ACKR3: variants seen among roughly 807,000 people sequenced by gnomAD.
ACKR3 encodes the protein C-X-C chemokine receptor type 7.
Under a neutral mutation model 22.4 loss-of-function variants are expected in ACKR3, and 6 were observed. The ratio of observed to expected loss-of-function variants is 0.27; its 90% confidence interval spans 0.15 to 0.53. The LOEUF (loss-of-function observed/expected upper bound fraction) is 0.53. Among genes scored for constraint, ACKR3 ranks in the 20% least tolerant of loss-of-function variants. ACKR3 has a pLI of 0.96. For missense variants in ACKR3, 396 were observed against 475.2 expected (o/e 0.83, Z 1.55); for synonymous variants, 209 against 205.2 (o/e 1.02, Z -0.16).
At chr2:236,550,556 G>GAGC in the ACKR3 span, among the ~76,000 whole-genome samples, 1 of 152,156 alleles carries the variant, frequency 6.6e-6, no homozygotes, top group African/African-American at 2.4e-5. This position sits in a 1 kb window ranked among gnomAD's most constrained non-coding sequence, Gnocchi z 4.6. Flanking sequence ...GGCTAGGGGT[G>GAGC]AGCAGGCCTG....
intron 1 of ACKR3, among the ~76,000 whole-genome samples, chr2:236,579,217 T>G (rs1691472531): frequency 6.6e-6 from 1 of 152,180 alleles, no homozygotes. Flanking sequence ...CTCCAGGAAA[T>G]TCTCATATGT....
chr2:236,573,016 T>C (rs996627165), intron 1 of ACKR3, among the ~76,000 whole-genome samples: 2 of 152,226 alleles, frequency 1.3e-5, no homozygotes, highest in Non-Finnish European at 2.9e-5. Context: ...CAAGACTGTT[T>C]TCCATTTGCT....
At chr2:236,549,654 A>T in the ACKR3 span, among the ~76,000 whole-genome samples, 2 of 152,322 alleles carry the variant, frequency 1.3e-5, 1 homozygote, top group African/African-American at 4.8e-5. This position sits in a 1 kb window ranked among gnomAD's most constrained non-coding sequence, Gnocchi z 5.3. Context: ...TGAGAACAGT[A>T]GTAGGATCAT....
chr2:236,563,399 T>C (rs1009168856), upstream of ACKR3, among the ~76,000 whole-genome samples: 2 of 152,144 alleles, frequency 1.3e-5, no homozygotes, highest in African/African-American at 2.4e-5. Flanking sequence ...GGGGAGAAGA[T>C]AGATAGTGCA....
upstream of ACKR3, among the ~76,000 whole-genome samples, chr2:236,566,985 ACCTT>A (rs879930974): frequency 8.0e-5 from 9 of 112,534 alleles, no homozygotes; most frequent in Non-Finnish European, 1.1e-4. Flanking sequence ...CTTCCTTCCT[ACCTT>A]CCTTCCTTCC....
chr2:236,551,080 C>A, the ACKR3 span, among the ~76,000 whole-genome samples: 4 of 152,200 alleles, frequency 2.6e-5, no homozygotes, highest in Non-Finnish European at 4.4e-5. Flanking sequence ...GCACACCTAC[C>A]CTGCTGGGCT....
At chr2:236,560,159 T>C in the ACKR3 span, among the ~76,000 whole-genome samples, 2 of 152,212 alleles carry the variant, frequency 1.3e-5, no homozygotes, top group Non-Finnish European at 2.9e-5. Flanking sequence ...TTTGAATACA[T>C]ATCCAGAAGT....
the ACKR3 span, among the ~76,000 whole-genome samples, chr2:236,549,421 C>T: frequency 6.6e-6 from 1 of 152,202 alleles, no homozygotes; most frequent in South Asian, 2.1e-4. This position sits in a 1 kb window ranked among gnomAD's most constrained non-coding sequence, Gnocchi z 5.3. Flanking sequence ...TCCTTAATGA[C>T]CTGAAGGCTC....
chr2:236,538,372 C>T, the ACKR3 span, among the ~76,000 whole-genome samples: 6 of 152,200 alleles, frequency 3.9e-5, no homozygotes, highest in Non-Finnish European at 5.9e-5. Flanking sequence ...ATACTAAAAA[C>T]GTGGTCAAAA....
At chr2:236,560,181 A>G in the ACKR3 span, among the ~76,000 whole-genome samples, 1 of 152,146 alleles carries the variant, frequency 6.6e-6, no homozygotes, top group Non-Finnish European at 1.5e-5. Flanking sequence ...GGATTGCTGG[A>G]TTATATGGTA....
the ACKR3 span, among the ~76,000 whole-genome samples, chr2:236,538,399 G>A: frequency 1.3e-5 from 2 of 152,228 alleles, no homozygotes; most frequent in Admixed American, 1.3e-4. Context: ...ATCCGAGTCA[G>A]AGATTGGGCT....
rs758812703 is a variant in ACKR3, at chr2:236,580,846, C to T, written c.381C>T (p.Asn127=). The change falls in exon 2 of 2, where the codon AAC becomes AAT. Residue 127 remains asparagine, a synonymous_variant. Coordinates refer to ENST00000272928, the MANE Select transcript of ACKR3 (RefSeq NM_020311.3). ...CKVTHLIFSI[N]LFGSIFFLTC... ...TCACACACCTCATCTTCTCCATCAA[C>T]CTCTTCGGCAGCATTTTCTTCCTCA... 1.2e-6 allele frequency: 2 copies of T among 1,614,248 alleles called. No individual in the cohort carries two copies. The highest frequency in any genetic ancestry group is 1.7e-6 in the Non-Finnish European group (2 of 1,180,056).
the ACKR3 span, among the ~76,000 whole-genome samples, chr2:236,549,346 C>G: frequency 1.3e-5 from 2 of 152,180 alleles, no homozygotes; most frequent in Admixed American, 6.5e-5. This position sits in a 1 kb window ranked among gnomAD's most constrained non-coding sequence, Gnocchi z 5.3. Context: ...ACATAGTCTC[C>G]CCTGCTGAGG....
chr2:236,561,753 A>G, the ACKR3 span, among the ~76,000 whole-genome samples: 1 of 152,206 alleles, frequency 6.6e-6, no homozygotes, highest in Non-Finnish European at 1.5e-5. Flanking sequence ...TGGCCTCCCA[A>G]AGTGCTGGGA....
intron 1 of ACKR3, among the ~76,000 whole-genome samples, chr2:236,572,904 A>G (rs915270492): frequency 6.6e-6 from 1 of 152,242 alleles, no homozygotes; most frequent in South Asian, 2.1e-4. Flanking sequence ...ATCAGGATAT[A>G]GAGTTTTCTG....
chr2:236,580,105 C>T (rs964349451), intron 1 of ACKR3, among the ~76,000 whole-genome samples: 8 of 152,300 alleles, frequency 5.3e-5, no homozygotes, highest in South Asian at 4.1e-4. Flanking sequence ...AGCTGCCTGA[C>T]GTTTCTTTGG....
chr2:236,564,592 GTTTTTT>G (rs532204731), upstream of ACKR3, among the ~76,000 whole-genome samples: 52 of 129,310 alleles, frequency 4.0e-4, no homozygotes, highest in Non-Finnish European at 7.9e-4. Flanking sequence ...TTCCTTCCTA[GTTTTTT>G]TTTTTTTTTT....
At chr2:236,540,388 A>G in the ACKR3 span, among the ~76,000 whole-genome samples, 4 of 148,668 alleles carry the variant, frequency 2.7e-5, no homozygotes, top group South Asian at 6.4e-4. Context: ...GTGTCTTCTT[A>G]TTGAGTTATA....
chr2:236,543,939 G>A, the ACKR3 span, among the ~76,000 whole-genome samples: 8 of 90,414 alleles, frequency 8.8e-5, no homozygotes, highest in Admixed American at 1.5e-4. Context: ...CCTGGGAGAA[G>A]GGTATATATA....
Sources: allele counts gnomAD v4.1 joint callset (sites outside exome capture counted in the v4.1 genomes callset), GRCh38; gene constraint gnomAD v4.1.1; non-coding constraint Gnocchi (gnomAD v3.1); transcripts MANE v1.5; gene names NCBI Gene and HGNC (gene_info 2026-07-23, HGNC 2026-07-21).